SGK3: variants seen among roughly 807,000 people sequenced by gnomAD.
SGK3 encodes serine/threonine-protein kinase Sgk3.
A neutral mutation model predicts 68.5 loss-of-function variants in SGK3; 47 were observed. The observed-to-expected ratio is 0.69, with a 90% confidence interval of 0.54 to 0.87. The LOEUF is 0.87. Ranked by LOEUF, SGK3 falls within the 40% of genes least tolerant of loss-of-function variation. The pLI, the probability that SGK3 is intolerant of heterozygous loss-of-function variation, is 0.00. For synonymous variants in SGK3, 181 were observed against 189.1 expected (o/e 0.96, Z 0.35); for missense variants, 479 against 575.5 (o/e 0.83, Z 1.72).
chr8:66,799,788 G>C (rs1389864663), intron 3 of SGK3, among the ~76,000 whole-genome samples: 2 of 152,098 alleles, frequency 1.3e-5, no homozygotes, highest in Non-Finnish European at 2.9e-5. Context: ...CGCCTGGCTA[G>C]TGTTTTTGTA....
At chr8:66,771,675 T>C (rs1411569095) in intron 1 of SGK3, among the ~76,000 whole-genome samples, 2 of 152,216 alleles carry the variant, frequency 1.3e-5, no homozygotes, top group Admixed American at 6.5e-5. Context: ...CTCCCTATCT[T>C]ATTTCCATGA....
At position 66,822,124 on chromosome 8, in the gene SGK3, G is replaced by T. The variant is rs192774399; in HGVS notation, c.330-248G>T. Among the ~76,000 whole-genome samples, 430 of 150,904 alleles carry T rather than the reference G, an allele frequency of 2.8e-3. 3 individuals are homozygous for T. Among genetic ancestry groups the T allele is most frequent in the African/African-American group, 0.01 (420 of 41,054 alleles). ...TGAAGTTAGCCATCTTCACAAATTT[G>T]CTGCCATTTGGGTTTTCTTTTCCAT... On this transcript the variant is annotated intron_variant, in intron 5 of 16. Coordinates refer to ENST00000521198, the MANE Select transcript of SGK3 (RefSeq NM_001033578.3).
At chr8:66,778,599 A>C (rs1806821677) in intron 1 of SGK3, among the ~76,000 whole-genome samples, 1 of 152,258 alleles carries the variant, frequency 6.6e-6, no homozygotes, top group African/African-American at 2.4e-5. Flanking sequence ...CCAGCCACTT[A>C]ACTGTTTTTT....
intron 5 of SGK3, among the ~76,000 whole-genome samples, chr8:66,821,514 A>T (rs977527088): frequency 5.3e-5 from 8 of 150,922 alleles, no homozygotes; most frequent in South Asian, 2.1e-4. Context: ...GGACCTGCAC[A>T]TAATTTTTTT....
intron 1 of SGK3, among the ~76,000 whole-genome samples, chr8:66,770,275 C>G (rs1384731047): frequency 6.6e-6 from 1 of 152,124 alleles, no homozygotes; most frequent in Non-Finnish European, 1.5e-5. Flanking sequence ...CTTTTTATCT[C>G]ATTATTGGTC....
At chr8:66,763,915 ACTGGAGT>A (rs1383804849) in intron 1 of SGK3, among the ~76,000 whole-genome samples, 1 of 152,164 alleles carries the variant, frequency 6.6e-6, no homozygotes, top group Non-Finnish European at 1.5e-5. Flanking sequence ...TGTTGCCCAG[ACTGGAGT>A]GCAGTGGCAC....
intron 1 of SGK3, among the ~76,000 whole-genome samples, chr8:66,784,494 A>G (rs1185208933): frequency 6.6e-6 from 1 of 152,182 alleles, no homozygotes; most frequent in Non-Finnish European, 1.5e-5. Flanking sequence ...TCTAGTCAAT[A>G]TCAAACAATC....
intron 1 of SGK3, chr8:66,768,111 A>G: frequency 2.3e-6 from 1 of 434,842 alleles, no homozygotes; most frequent in Non-Finnish European, 4.2e-6. Flanking sequence ...ACTTACACTT[A>G]TAGGATATAT....
chr8:66,718,046 C>G (rs1464046711), intron 1 of SGK3, among the ~76,000 whole-genome samples: 1 of 143,800 alleles, frequency 7.0e-6, no homozygotes, highest in Non-Finnish European at 1.5e-5. Context: ...TTTTTTTTGA[C>G]ATGGAGTCTC....
At chr8:66,775,002 C>T (rs1329736886) in intron 1 of SGK3, among the ~76,000 whole-genome samples, 1 of 152,234 alleles carries the variant, frequency 6.6e-6, no homozygotes, top group Non-Finnish European at 1.5e-5. Context: ...TTCTGTCTCC[C>T]AAATGCTGGC....
chr8:66,719,212 T>A (rs1251337632), intron 1 of SGK3, among the ~76,000 whole-genome samples: 1 of 152,206 alleles, frequency 6.6e-6, no homozygotes, highest in Non-Finnish European at 1.5e-5. Flanking sequence ...CCTTCTAAAC[T>A]TTTTTCATGC....
chr8:66,755,429 C>T (rs1304657399), intron 1 of SGK3, among the ~76,000 whole-genome samples: 2 of 152,172 alleles, frequency 1.3e-5, no homozygotes, highest in African/African-American at 4.8e-5. Context: ...CAACCTGTCG[C>T]ATGATGTCAG....
intron 1 of SGK3, among the ~76,000 whole-genome samples, chr8:66,789,245 T>C (rs567935409): frequency 6.6e-6 from 1 of 152,304 alleles, no homozygotes; most frequent in Non-Finnish European, 1.5e-5. Flanking sequence ...TTGATCTAGG[T>C]AAATGGCCAA....
chr8:66,810,827 G>T (rs538374770), intron 4 of SGK3, among the ~76,000 whole-genome samples: 124 of 152,156 alleles, frequency 8.1e-4, no homozygotes, highest in Middle Eastern at 6.8e-3. Flanking sequence ...TTCTTATACT[G>T]CAGTTTAAGC....
chr8:66,767,232 C>CCCATTTTTATTATT (rs1806346616), intron 1 of SGK3, among the ~76,000 whole-genome samples: 1 of 152,170 alleles, frequency 6.6e-6, no homozygotes, highest in Non-Finnish European at 1.5e-5. Flanking sequence ...TTGGATTAAG[C>CCCATTTTTATTATT]ATTATTATCC....
At chr8:66,783,462 A>G (rs1342903614) in intron 1 of SGK3, among the ~76,000 whole-genome samples, 1 of 152,178 alleles carries the variant, frequency 6.6e-6, no homozygotes, top group African/African-American at 2.4e-5. Context: ...TAGCATTTGC[A>G]AAATCATTGC....
intron 12 of SGK3, 111 bp from the exon 13 acceptor site, chr8:66,840,913 G>T: frequency 1.5e-6 from 1 of 677,618 alleles, no homozygotes; most frequent in Non-Finnish European, 2.2e-6. Flanking sequence ...CTGCACTCCA[G>T]CCTGGGCAAC....
At chr8:66,793,942 T>A (rs1444009542) in intron 2 of SGK3, 110 bp downstream of exon 2, 1 of 1,078,140 alleles carries the variant, frequency 9.3e-7, no homozygotes, top group Non-Finnish European at 1.3e-6. Flanking sequence ...TCCACATACC[T>A]AGATTTTACT....
chr8:66,839,940 T>C, intron 10 of SGK3, 63 bp from the exon 11 acceptor site: 2 of 1,425,088 alleles, frequency 1.4e-6, no homozygotes, highest in South Asian at 1.2e-5. Context: ...TATATTTGTT[T>C]AATGCTATGT....
Sources: allele counts gnomAD v4.1 joint callset (sites outside exome capture counted in the v4.1 genomes callset), GRCh38; gene constraint gnomAD v4.1.1; transcripts MANE v1.5; gene names NCBI Gene and HGNC (gene_info 2026-07-23, HGNC 2026-07-21).